The following PKIB variants were observed in gnomAD, a reference collection of about 807,000 sequenced individuals.
The protein encoded by PKIB is PKI-beta.
PKIB carries 2 observed loss-of-function variants against 4.5 expected under a neutral mutation model. That is an observed-to-expected ratio of 0.44 (90% CI 0.18 to 1.39). PKIB has a LOEUF of 1.39. PKIB is among the 40% of genes most tolerant of loss of function. The probability of loss-of-function intolerance (pLI) is 0.27; values close to 1 mark genes in which losing one functional copy is unlikely to be tolerated. For synonymous variants in PKIB, 38 were observed against 36.0 expected (o/e 1.06, Z -0.20); for missense variants, 94 against 92.6 (o/e 1.02, Z -0.06).
rs546356908 is a variant in PKIB, at chr6:122,541,703, G to C, written c.-247-44218G>C. ...GAGGAGTATCTTTGTGGCGTTCTCT[G>C]TATTTCCTGAATCTGAATGTTGGCC... is the stretch of plus-strand genomic sequence containing the variant. On this transcript the variant is annotated intron_variant, in intron 2 of 6. Coordinates refer to the PKIB transcript ENST00000392491. Among the ~76,000 whole-genome samples, 13 of 151,988 alleles carry C rather than the reference G, an allele frequency of 8.6e-5. No homozygotes were observed. The South Asian group carries it at 2.7e-3, about 32-fold the overall frequency.
At chr6:122,650,941 A>G (rs1188407609) in intron 2 of PKIB, among the ~76,000 whole-genome samples, 2 of 152,226 alleles carry the variant, frequency 1.3e-5, no homozygotes, top group African/African-American at 2.4e-5. Context: ...GTTTCAGCCA[A>G]CGAACCAAAC....
chr6:122,634,603 G>A (rs1039346452), intron 2 of PKIB, among the ~76,000 whole-genome samples: 3 of 152,110 alleles, frequency 2.0e-5, no homozygotes, highest in African/African-American at 7.2e-5. Flanking sequence ...AGGAGTGGAA[G>A]ACATAACATT....
At chr6:122,612,716 C>G (rs1163685842) in intron 1 of PKIB, among the ~76,000 whole-genome samples, 1 of 152,052 alleles carries the variant, frequency 6.6e-6, no homozygotes, top group Non-Finnish European at 1.5e-5. Flanking sequence ...TGGGTTGTTT[C>G]CAATATGGGA....
At chr6:122,602,760 C>CA (rs757738782) in intron 3 of PKIB, among the ~76,000 whole-genome samples, 13 of 151,480 alleles carry the variant, frequency 8.6e-5, no homozygotes, top group Admixed American at 8.6e-4. Context: ...CCTAAAAATA[C>CA]AAAAAACAAG....
At chr6:122,616,296 A>T (rs935995252) in intron 1 of PKIB, among the ~76,000 whole-genome samples, 40 of 152,140 alleles carry the variant, frequency 2.6e-4, no homozygotes, top group African/African-American at 9.7e-4. Flanking sequence ...ACATAATAGG[A>T]GAAGGGTTGA....
intron 1 of PKIB, among the ~76,000 whole-genome samples, chr6:122,617,346 T>C (rs528438461): frequency 6.6e-6 from 1 of 152,326 alleles, no homozygotes; most frequent in South Asian, 2.1e-4. Flanking sequence ...AAGTGAGGAA[T>C]ACTTTTCTGG....
In PKIB at chr6:122,725,261, T is replaced by G; in HGVS notation, c.*66T>G. 1 of 1,338,230 alleles carries G rather than the reference T, an allele frequency of 7.5e-7. No individual in the cohort carries two copies. The highest frequency in any genetic ancestry group is 1.0e-6 in the Non-Finnish European group (1 of 953,672). The allele number at this position is 1,338,230 out of a possible 1,614,324, so 82.9% of individuals were successfully genotyped here. On this transcript the variant is annotated 3_prime_UTR_variant, in exon 5 of 5. Coordinates refer to ENST00000368452, the MANE Select transcript of PKIB (RefSeq NM_181795.3). ...GAAAGACTTAGTGGTTCTGTTTTCT[T>G]GAGACATTTAATCTGGTGGTAACTG...
intron 1 of PKIB, among the ~76,000 whole-genome samples, chr6:122,628,382 T>G (rs1775555204): frequency 6.6e-6 from 1 of 152,248 alleles, no homozygotes; most frequent in Non-Finnish European, 1.5e-5. Context: ...CCATGTCTTA[T>G]GATTACATAT....
At chr6:122,633,408 A>G (rs764697610) in intron 2 of PKIB, 41 bp downstream of exon 2, 1 of 152,236 alleles carries the variant, frequency 6.6e-6, no homozygotes. Flanking sequence ...AACATATGGA[A>G]TAATATATTG....
chr6:122,640,439 A>G (rs939156353), intron 2 of PKIB, among the ~76,000 whole-genome samples: 1 of 152,142 alleles, frequency 6.6e-6, no homozygotes, highest in African/African-American at 2.4e-5. Context: ...CTCAATTTCT[A>G]CTTTGTAGTA....
chr6:122,690,710 T>C (rs1778296519), intron 3 of PKIB, among the ~76,000 whole-genome samples: 1 of 152,136 alleles, frequency 6.6e-6, no homozygotes. Flanking sequence ...ATTTCAGTGT[T>C]ATAATATGCT....
intron 2 of PKIB, among the ~76,000 whole-genome samples, chr6:122,549,990 C>T (rs1772627199): frequency 6.6e-6 from 1 of 151,918 alleles, no homozygotes; most frequent in Non-Finnish European, 1.5e-5. Context: ...TCTCAGCTCA[C>T]TGCAACCTCT....
At chr6:122,557,681 G>A (rs969311603) in intron 2 of PKIB, among the ~76,000 whole-genome samples, 7 of 152,196 alleles carry the variant, frequency 4.6e-5, no homozygotes, top group Non-Finnish European at 1.5e-5. Context: ...TAAATCGACA[G>A]AAGCCATAGA....
chr6:122,594,332 C>A (rs550866143), intron 3 of PKIB, among the ~76,000 whole-genome samples: 1 of 151,838 alleles, frequency 6.6e-6, no homozygotes, highest in Non-Finnish European at 1.5e-5. Context: ...CTCAGCCTCC[C>A]GAAAGCTGAG....
chr6:122,578,726 A>G (rs1773620479), intron 2 of PKIB, among the ~76,000 whole-genome samples: 1 of 152,158 alleles, frequency 6.6e-6, no homozygotes, highest in Non-Finnish European at 1.5e-5. Context: ...ACTTCCTGAT[A>G]TGGCTTGGCT....
intron 3 of PKIB, among the ~76,000 whole-genome samples, chr6:122,690,315 G>C (rs974322288): frequency 7.3e-5 from 11 of 151,302 alleles, no homozygotes; most frequent in Non-Finnish European, 1.3e-4. Context: ...GTTGTTTTGT[G>C]GTCTTTTCTC....
chr6:122,624,811 G>T (rs1775372618), intron 1 of PKIB, among the ~76,000 whole-genome samples: 1 of 152,176 alleles, frequency 6.6e-6, no homozygotes. Context: ...CTTTGCAAAA[G>T]ATCCACTCTG....
intron 3 of PKIB, among the ~76,000 whole-genome samples, chr6:122,682,503 A>G (rs1777935628): frequency 6.6e-6 from 1 of 152,166 alleles, no homozygotes; most frequent in Admixed American, 6.6e-5. Flanking sequence ...ATTCTGAATC[A>G]ATGGATTATC....
intron 2 of PKIB, among the ~76,000 whole-genome samples, chr6:122,530,275 A>T (rs1439649336): frequency 6.6e-6 from 1 of 151,770 alleles, no homozygotes; most frequent in East Asian, 1.9e-4. Flanking sequence ...TTCTGTGTTT[A>T]AAAAAAATAG....
Sources: allele counts gnomAD v4.1 joint callset (sites outside exome capture counted in the v4.1 genomes callset), GRCh38; gene constraint gnomAD v4.1.1; transcripts MANE v1.5; gene names NCBI Gene and HGNC (gene_info 2026-07-23, HGNC 2026-07-21).